The following PSMB7 variants were observed in gnomAD, a reference collection of about 807,000 sequenced individuals.
PSMB7 encodes the protein proteasome subunit beta type-7.
In PSMB7, 5 loss-of-function variants were observed where a neutral mutation model predicts 28.1. The ratio of observed to expected loss-of-function variants is 0.18; its 90% CI spans 0.09 to 0.37. The LOEUF is 0.37. Among genes scored for constraint, PSMB7 ranks in the 10% least tolerant of loss-of-function variants. The pLI, the probability that PSMB7 is intolerant of heterozygous loss-of-function variation, is 1.00. For synonymous variants in PSMB7, 122 were observed against 123.7 expected, an observed-to-expected ratio of 0.99 and a Z score of 0.09; for missense variants, 275 against 346.2, an observed-to-expected ratio of 0.79 and a Z score of 1.63.
At chr9:124,353,852 T>C (rs1231768734) in intron 7 of PSMB7, 143 bp from the exon 8 acceptor site, 2 of 688,728 alleles carry the variant, frequency 2.9e-6, no homozygotes, top group Admixed American at 2.7e-5. Flanking sequence ...CTCTGTGATC[T>C]TGGGGGATTC....
At chr9:124,399,668 G>GAGCC (rs1353368774) in intron 5 of PSMB7, among the ~76,000 whole-genome samples, 2 of 152,212 alleles carry the variant, frequency 1.3e-5, no homozygotes, top group African/African-American at 4.8e-5. Context: ...CTGCAGCCAA[G>GAGCC]AGCCGCAAGG....
intron 6 of PSMB7, among the ~76,000 whole-genome samples, chr9:124,359,140 T>C (rs1031075238): frequency 6.6e-6 from 1 of 152,272 alleles, no homozygotes; most frequent in African/African-American, 2.4e-5. Context: ...AATTATCATG[T>C]ATGCTGTTAT....
chr9:124,401,079 A>G (rs1830898845), intron 5 of PSMB7, among the ~76,000 whole-genome samples: 1 of 152,198 alleles, frequency 6.6e-6, no homozygotes, highest in Non-Finnish European at 1.5e-5. Context: ...GATGACAGAG[A>G]AGGAGATACG....
chr9:124,384,564 T>C (rs759413038), intron 6 of PSMB7, 34 bp downstream of exon 6: 16 of 1,581,468 alleles, frequency 1.0e-5, no homozygotes, highest in African/African-American at 5.5e-5. Context: ...AGAAAAATCT[T>C]TGAAAAAGAA....
intron 5 of PSMB7, among the ~76,000 whole-genome samples, chr9:124,401,508 GAA>G (rs1463239912): frequency 6.6e-6 from 1 of 152,218 alleles, no homozygotes; most frequent in African/African-American, 2.4e-5. Context: ...ACAAATGAAT[GAA>G]GAGATCCAAT....
chr9:124,366,039 C>T lies in PSMB7; in HGVS notation c.571-9124G>A, dbSNP rs552356809. ...GCCCTGGCCCTGCAAAGGTCTACAC[C>T]AATGTGTGTGTGTTTGTGCCTTAGT... is the stretch of plus-strand genomic sequence containing the variant. On this transcript the variant is annotated intron_variant, in intron 6 of 7. Coordinates refer to ENST00000259457, the MANE Select transcript of PSMB7 (RefSeq NM_002799.4). 2.6e-5 allele frequency among the ~76,000 whole-genome samples: 4 copies of T among 152,222 alleles called. No individual in the cohort carries two copies. The South Asian group carries it at 8.3e-4, about 32-fold the overall frequency.
At chr9:124,369,465 G>A (rs924354434) in intron 6 of PSMB7, among the ~76,000 whole-genome samples, 2 of 152,184 alleles carry the variant, frequency 1.3e-5, no homozygotes, top group South Asian at 4.1e-4. Context: ...CACAGCTCCT[G>A]CACCCACTGC....
At position 124,356,770 on chromosome 9, in the gene PSMB7, C is replaced by T; in HGVS notation, c.716G>A (p.Gly239Glu). ...CTTCGTCTCCTTCACTCACCTGGTC[C>T]CCTTCTTGTTGGGCACTGTGTATGG... ...LRPYTVPNKK[G>E]TRLGRYRCEK... Residue 239 changes from glycine to glutamate, a missense_variant, in exon 7 of 8, where the codon GGG becomes GAG. Around this residue, in one of 2 missense-constraint regions of PSMB7, gnomAD observed 213 missense variants for 302.4 expected, o/e 0.70. Coordinates refer to ENST00000259457, the MANE Select transcript of PSMB7 (RefSeq NM_002799.4). The surrounding 1 kb of genome is among the most constrained non-coding windows in gnomAD (Gnocchi z 4.4). 6.2e-7 allele frequency: 1 copy of T among 1,612,428 alleles called. No homozygotes were observed. The highest frequency in any genetic ancestry group is 8.5e-7 in the Non-Finnish European group (1 of 1,178,842).
Position 124,414,918 on chromosome 9 carries a change from G to A in PSMB7, c.80C>T (p.Ala27Val). 1.2e-6 allele frequency: 2 copies of A among 1,612,596 alleles called. No homozygotes were observed. Among genetic ancestry groups the A allele is most frequent in the South Asian group, 2.2e-5 (2 of 90,970 alleles). The change falls in exon 2 of 8, where the codon GCC (alanine) becomes GTC (valine). Residue 27 changes from alanine (A) to valine (V), a missense_variant. Physicochemically the swap from Ala to Val is moderately conservative, Grantham distance 64. Around this residue, in one of 2 missense-constraint regions of PSMB7, gnomAD observed 62 missense variants for 43.9 expected, o/e 1.41. Coordinates refer to ENST00000259457, the MANE Select transcript of PSMB7 (RefSeq NM_002799.4). ...CTTGTATCCCCTCTTTGCAAAATCG[G>A]CTTCCAAGACGGCATTCCTAAGAGC... is the stretch of plus-strand genomic sequence containing the variant. The part of the protein sequence containing the change: ...DNCRRNAVLE[A>V]DFAKRGYKLP...
At chr9:124,389,865 C>T (rs1830766592) in intron 5 of PSMB7, among the ~76,000 whole-genome samples, 1 of 152,150 alleles carries the variant, frequency 6.6e-6, no homozygotes. Flanking sequence ...CCACAAGGAC[C>T]ACACCTCCAG....
chr9:124,412,104 T>C (rs958683039), intron 4 of PSMB7, among the ~76,000 whole-genome samples: 10 of 152,168 alleles, frequency 6.6e-5, no homozygotes, highest in African/African-American at 2.4e-4. Context: ...TATCCAGTAA[T>C]ATCCCTATGC....
At chr9:124,406,861 C>A (rs756363121) in intron 4 of PSMB7, among the ~76,000 whole-genome samples, 1 of 152,002 alleles carries the variant, frequency 6.6e-6, no homozygotes, top group Admixed American at 6.6e-5. Context: ...CATTAGGAGG[C>A]CAATGTTACT....
At chr9:124,369,518 C>T (rs1164675813) in intron 6 of PSMB7, among the ~76,000 whole-genome samples, 1 of 152,200 alleles carries the variant, frequency 6.6e-6, no homozygotes, top group African/African-American at 2.4e-5. Context: ...GCTTTCTAAA[C>T]TAAATATTCA....
At chr9:124,380,135 G>A (rs73666877) in intron 6 of PSMB7, among the ~76,000 whole-genome samples, 2,361 of 152,294 alleles carry the variant, frequency 0.016, 69 homozygotes, top group African/African-American at 0.052. Flanking sequence ...AGTCCACGGC[G>A]AGCCAGTGCA....
At chr9:124,392,253 C>T (rs947062003) in intron 5 of PSMB7, among the ~76,000 whole-genome samples, 1 of 152,242 alleles carries the variant, frequency 6.6e-6, no homozygotes, top group Non-Finnish European at 1.5e-5. Context: ...AGGGCAACTT[C>T]CCACTCTTTC....
At chr9:124,360,400 G>C (rs1416107650) in intron 6 of PSMB7, among the ~76,000 whole-genome samples, 1 of 152,214 alleles carries the variant, frequency 6.6e-6, no homozygotes, top group Non-Finnish European at 1.5e-5. Context: ...ATCTGCCCGG[G>C]GACAGCTGCT....
At chr9:124,370,350 A>G (rs1209236447) in intron 6 of PSMB7, among the ~76,000 whole-genome samples, 1 of 149,984 alleles carries the variant, frequency 6.7e-6, no homozygotes, top group Non-Finnish European at 1.5e-5. Flanking sequence ...CACTTGATAT[A>G]GGCTGTCATG....
intron 7 of PSMB7, among the ~76,000 whole-genome samples, chr9:124,355,222 C>T (rs189562808): frequency 6.6e-6 from 1 of 152,376 alleles, no homozygotes; most frequent in Admixed American, 6.5e-5. Context: ...ACTGCACACC[C>T]ACCACACGCC....
chr9:124,377,191 G>A lies in PSMB7; in HGVS notation c.570+7407C>T, dbSNP rs114660591. On this transcript the variant is annotated intron_variant, in intron 6 of 7. Transcript: ENST00000259457. ...GGTGTTTTTACAGGCCGCATCTAAC[G>A]CTCACAGCAACGTGCAGGCAGGTCT... Among the ~76,000 whole-genome samples, 1,108 of 152,218 alleles carry A rather than the reference G, an allele frequency of 7.3e-3. 14 individuals are homozygous for A. The highest frequency in any genetic ancestry group is 0.025 in the African/African-American group (1,051 of 41,508).
Sources: allele counts gnomAD v4.1 joint callset (sites outside exome capture counted in the v4.1 genomes callset), GRCh38; gene constraint gnomAD v4.1.1; regional missense constraint gnomAD v4.1.1; non-coding constraint Gnocchi (gnomAD v3.1); transcripts MANE v1.5; gene names NCBI Gene and HGNC (gene_info 2026-07-23, HGNC 2026-07-21).